The following NEK10 variants were observed in gnomAD, a reference collection of about 807,000 sequenced individuals.
The protein encoded by NEK10 is serine/threonine-protein kinase Nek10.
NEK10 carries 122 observed loss-of-function variants against 159.8 expected under a neutral mutation model. That is an observed-to-expected ratio of 0.76 (90% CI 0.66 to 0.89). The LOEUF (loss-of-function observed/expected upper bound fraction) is 0.89, where lower values mean the gene tolerates loss of function less well. NEK10 is among the 40% of genes least tolerant of loss of function. The pLI, the probability that NEK10 is intolerant of heterozygous loss-of-function variation, is 0.00. For synonymous variants in NEK10, 466 were observed against 457.1 expected (o/e 1.02, Z -0.25); for missense variants, 1,342 against 1,323.1 (o/e 1.01, Z -0.22).
intron 22 of NEK10, among the ~76,000 whole-genome samples, chr3:27,268,914 G>T (rs1251859100): frequency 6.6e-6 from 1 of 152,184 alleles, no homozygotes; most frequent in South Asian, 2.1e-4. Flanking sequence ...TTCATGGGAA[G>T]AGGTCAAAAT....
At chr3:27,361,419 G>T (rs911298611) in intron 1 of NEK10, among the ~76,000 whole-genome samples, 2 of 152,154 alleles carry the variant, frequency 1.3e-5, no homozygotes, top group African/African-American at 2.4e-5. Context: ...TGTGAAGGAA[G>T]AATTTATATT....
At position 27,108,618 on chromosome 3, in the gene NEK10, A is replaced by G. The variant is rs1376418129; in HGVS notation, c.*2654T>C. On this transcript the variant is annotated 3_prime_UTR_variant, in exon 36 of 36. Transcript: ENST00000691995. ...GGTGCATTCATAGGAATTTCATTGC[A>G]CAACAAATCATTAAAAATTATACAA... Among the ~76,000 whole-genome samples, 2 of 152,200 alleles carry G rather than the reference A, an allele frequency of 1.3e-5. No homozygotes were observed. Among genetic ancestry groups the G allele is most frequent in the Non-Finnish European group, 2.9e-5 (2 of 68,044 alleles).
At chr3:27,275,076 C>T (rs748106357) in intron 22 of NEK10, among the ~76,000 whole-genome samples, 1 of 152,078 alleles carries the variant, frequency 6.6e-6, no homozygotes, top group Non-Finnish European at 1.5e-5. Context: ...TTACTATTTC[C>T]AACTTTCACC....
rs552072543 is a variant in NEK10, at chr3:27,110,000, T to G, written c.*1272A>C. ...CTATACAGAAAGAAGGTTATGGTCT[T>G]TCAACCACTGTAAATACATTGAACT... On this transcript the variant is annotated 3_prime_UTR_variant, in exon 36 of 36. Transcript: ENST00000691995. 2.0e-5 allele frequency: 3 copies of G among 152,200 alleles called. No homozygotes were observed. The highest frequency in any genetic ancestry group is 4.4e-5 in the Non-Finnish European group (3 of 68,024). 9.4% of individuals were successfully genotyped at this position (152,200 alleles called of 1,614,324 possible). A position where few individuals can be genotyped will look rare whatever the true frequency, so the allele number is the denominator to read the frequency against.
chr3:27,348,811 C>T lies in NEK10; in HGVS notation c.133-2595G>A, dbSNP rs114000553. Among the ~76,000 whole-genome samples the T allele has an allele frequency of 8.9e-3, 1,362 of 152,268 alleles. 9 individuals are homozygous for T. The highest frequency in any genetic ancestry group is 0.012 in the Non-Finnish European group (841 of 68,008). On this transcript the variant is annotated intron_variant, in intron 3 of 35. Coordinates refer to ENST00000691995, the MANE Select transcript of NEK10 (RefSeq NM_001394966.1). ...TGAGGGCAGCATCACATCTATTAATCTTTGTGTTCTTAGCACCTCTCACAG... is the reference window on the plus strand; with the variant it reads ...TGAGGGCAGCATCACATCTATTAATTTTTGTGTTCTTAGCACCTCTCACAG...
intron 3 of NEK10, 99 bp from the exon 4 acceptor site, chr3:27,346,315 C>G (rs531252024): frequency 1.6e-6 from 2 of 1,274,820 alleles, no homozygotes; most frequent in Non-Finnish European, 2.2e-6. Flanking sequence ...GAGATTTTTT[C>G]CAGGCCAATA....
chr3:27,281,956 T>C (rs2042192018), intron 22 of NEK10, among the ~76,000 whole-genome samples: 1 of 151,994 alleles, frequency 6.6e-6, no homozygotes, highest in African/African-American at 2.4e-5. Context: ...CAAAGAAAAC[T>C]GGGAACACAA....
At chr3:27,255,266 T>C in intron 23 of NEK10, 1 of 436,030 alleles carries the variant, frequency 2.3e-6, no homozygotes, top group Non-Finnish European at 4.6e-6. Context: ...AGGTACATGT[T>C]AGCCTGCCAC....
chr3:27,180,436 G>C (rs1463011962), intron 26 of NEK10, among the ~76,000 whole-genome samples: 1 of 150,110 alleles, frequency 6.7e-6, no homozygotes, highest in Non-Finnish European at 1.5e-5. Context: ...GGGAGGGGAG[G>C]GGAAGGGAGG....
At chr3:27,292,272 G>A (rs566751421) in intron 16 of NEK10, among the ~76,000 whole-genome samples, 1 of 152,196 alleles carries the variant, frequency 6.6e-6, no homozygotes, top group South Asian at 2.1e-4. Flanking sequence ...GGGGGTATAG[G>A]CATTGAATAC....
rs145759693 is a variant in NEK10 at position 27,284,487 on chromosome 3, G to C, written c.2014+115C>G. The stretch of plus-strand genomic sequence containing the variant: ...ACATGTGGCTAGTGGCTACTGTATT[G>C]GACAGCATAGACAAAGAACATTCCC... On this transcript the variant is annotated intron_variant, in intron 22 of 35. Coordinates refer to ENST00000691995, the MANE Select transcript of NEK10 (RefSeq NM_001394966.1). 1.5e-3 allele frequency: 1,001 copies of C among 656,496 alleles called. 2 individuals are homozygous for C. The highest frequency in any genetic ancestry group is 0.015 in the African/African-American group (843 of 55,438). 40.7% of individuals were successfully genotyped at this position (656,496 alleles called of 1,614,324 possible).
At chr3:27,365,596 T>G (rs28638474) in intron 1 of NEK10, among the ~76,000 whole-genome samples, 110,437 of 135,254 alleles carry the variant, frequency 0.82, 47,104 homozygotes, top group East Asian at 1. Context: ...TGGTTTTTTG[T>G]GTTTTTTTTT....
Position 27,153,290 on chromosome 3 carries a change from A to C in NEK10, c.2869+9411T>G, listed in dbSNP as rs577943147. Reference sequence around the variant, plus strand: ...AGCCAAGATCGTGCCACTGCACTCCAGCCTGGGCGACAGAGCGAGACTCCA... The same window carrying C: ...AGCCAAGATCGTGCCACTGCACTCCCGCCTGGGCGACAGAGCGAGACTCCA... On this transcript the variant is annotated intron_variant, in intron 30 of 35. Coordinates refer to ENST00000691995, the MANE Select transcript of NEK10 (RefSeq NM_001394966.1). 4.0e-5 allele frequency among the ~76,000 whole-genome samples: 6 copies of C among 151,058 alleles called. No homozygotes were observed. The East Asian group carries it at 1.2e-3, about 29-fold the overall frequency.
At chr3:27,295,497 T>C in intron 15 of NEK10, 116 bp downstream of exon 15, 8 of 1,206,748 alleles carry the variant, frequency 6.6e-6, no homozygotes, top group South Asian at 2.5e-5. Flanking sequence ...TTTTCCCTCA[T>C]AGTCAGTACA....
At chr3:27,264,591 T>G (rs2040720866) in intron 22 of NEK10, among the ~76,000 whole-genome samples, 1 of 151,988 alleles carries the variant, frequency 6.6e-6, no homozygotes, top group African/African-American at 2.4e-5. Flanking sequence ...CCAAAATAAT[T>G]TTCAAATAAA....
chr3:27,335,301 T>A (rs868425933), intron 5 of NEK10, among the ~76,000 whole-genome samples: 3 of 150,586 alleles, frequency 2.0e-5, no homozygotes, highest in African/African-American at 7.4e-5. Flanking sequence ...GAATGCACCA[T>A]TGCACTCCAG....
At chr3:27,212,908 G>A (rs535268540) in intron 23 of NEK10, among the ~76,000 whole-genome samples, 1 of 152,280 alleles carries the variant, frequency 6.6e-6, no homozygotes, top group African/African-American at 2.4e-5. Flanking sequence ...GGGAACATAA[G>A]GCCAATTCAT....
At chr3:27,202,118 G>C (rs916786769) in intron 24 of NEK10, among the ~76,000 whole-genome samples, 1 of 151,968 alleles carries the variant, frequency 6.6e-6, no homozygotes, top group Non-Finnish European at 1.5e-5. Flanking sequence ...GTCACTGCAC[G>C]CCAGCCTGGC....
chr3:27,331,237 C>CAAAAAAAAAAAACAAAAAAAAAAAAAAA (rs397972389), intron 5 of NEK10, among the ~76,000 whole-genome samples: 3 of 29,570 alleles, frequency 1.0e-4, no homozygotes, highest in African/African-American at 1.7e-4. Flanking sequence ...GACTCTGTCT[C>CAAAAAAAAAAAACAAAAAAAAAAAAAAA]AAAAAAAAAA....
Sources: allele counts gnomAD v4.1 joint callset (sites outside exome capture counted in the v4.1 genomes callset), GRCh38; gene constraint gnomAD v4.1.1; transcripts MANE v1.5; gene names NCBI Gene and HGNC (gene_info 2026-07-23, HGNC 2026-07-21).